Variants in GALNTL6 observed in about 807,000 individuals in gnomAD.
GALNTL6 encodes polypeptide N-acetylgalactosaminyltransferase like 6.
Under a neutral mutation model 73.7 loss-of-function variants are expected in GALNTL6, and 46 were observed. That is an observed-to-expected ratio of 0.62 (90% CI 0.49 to 0.80). GALNTL6 has a LOEUF of 0.80. Among genes scored for constraint, GALNTL6 ranks in the 30% least tolerant of loss-of-function variants. The probability of loss-of-function intolerance (pLI) is 0.00; values close to 1 mark genes in which losing one functional copy is unlikely to be tolerated. For synonymous variants in GALNTL6, 259 were observed against 263.7 expected (o/e 0.98, Z 0.17); for missense variants, 604 against 755.0 (o/e 0.80, Z 2.34).
intron 2 of GALNTL6, among the ~76,000 whole-genome samples, chr4:171,923,975 T>A (rs2110984140): frequency 6.6e-6 from 1 of 152,214 alleles, no homozygotes; most frequent in South Asian, 2.1e-4. Flanking sequence ...TTGAAGAAGT[T>A]TATTTAACTA....
At chr4:171,952,841 G>T (rs1013316215) in intron 2 of GALNTL6, among the ~76,000 whole-genome samples, 5 of 145,944 alleles carry the variant, frequency 3.4e-5, no homozygotes, top group African/African-American at 1.3e-4. Flanking sequence ...GATTTAATTA[G>T]CTTTAGAAAG....
chr4:172,311,835 C>T (rs556668239), intron 4 of GALNTL6, 83 bp downstream of exon 4: 72 of 883,410 alleles, frequency 8.2e-5, no homozygotes, highest in African/African-American at 3.1e-4. Context: ...TGTATCACTG[C>T]GAGATATGTA....
At chr4:172,353,546 T>A (rs1742038853) in intron 5 of GALNTL6, among the ~76,000 whole-genome samples, 1 of 152,142 alleles carries the variant, frequency 6.6e-6, no homozygotes, top group African/African-American at 2.4e-5. Flanking sequence ...TGCTTTCTTG[T>A]GAACTCATTT....
chr4:172,273,848 G>A (rs1738740854), intron 3 of GALNTL6, among the ~76,000 whole-genome samples: 2 of 152,130 alleles, frequency 1.3e-5, no homozygotes, highest in Admixed American at 1.3e-4. Flanking sequence ...AAGAAAAGAA[G>A]GCATTGGTGA....
intron 5 of GALNTL6, among the ~76,000 whole-genome samples, chr4:172,675,928 C>G (rs928519600): frequency 1.4e-4 from 22 of 152,108 alleles, no homozygotes; most frequent in African/African-American, 5.3e-4. Flanking sequence ...CTCAAATCCT[C>G]AAATTGGATT....
chr4:172,233,129 G>A (rs1209032982), intron 3 of GALNTL6, among the ~76,000 whole-genome samples: 2 of 151,404 alleles, frequency 1.3e-5, no homozygotes, highest in East Asian at 1.9e-4. Context: ...AGCACACCGG[G>A]TGGCAGCAGA....
At chr4:172,498,357 G>A (rs1011332842) in intron 5 of GALNTL6, among the ~76,000 whole-genome samples, 1 of 151,952 alleles carries the variant, frequency 6.6e-6, no homozygotes, top group Non-Finnish European at 1.5e-5. Flanking sequence ...TTTTAATGTT[G>A]TGTTGGCCTC....
intron 3 of GALNTL6, among the ~76,000 whole-genome samples, chr4:172,239,907 A>C (rs1737362021): frequency 2.0e-5 from 3 of 152,158 alleles, no homozygotes; most frequent in African/African-American, 4.8e-5. Context: ...TCTGTCTTAT[A>C]AGGTTTCTGC....
At chr4:172,460,690 T>A (rs1235662070) in intron 5 of GALNTL6, among the ~76,000 whole-genome samples, 1 of 152,204 alleles carries the variant, frequency 6.6e-6, no homozygotes, top group Non-Finnish European at 1.5e-5. Flanking sequence ...CCAGTTAGAA[T>A]GGCAATCATT....
intron 7 of GALNTL6, among the ~76,000 whole-genome samples, chr4:172,818,329 T>G (rs1741724303): frequency 6.6e-6 from 1 of 152,228 alleles, no homozygotes; most frequent in South Asian, 2.1e-4. Flanking sequence ...TATTCAATTT[T>G]GCAAGTTGAT....
intron 2 of GALNTL6, among the ~76,000 whole-genome samples, chr4:172,203,985 A>C (rs1228023738): frequency 6.6e-6 from 1 of 152,134 alleles, no homozygotes; most frequent in Non-Finnish European, 1.5e-5. Context: ...ACCTCAGGTG[A>C]TCTGCCCACC....
rs529053382 is a variant in GALNTL6, at chr4:172,751,891, T to A, written c.554-57470T>A. ...TTCTGTCTGAGTTTCACTGGGAAGG[T>A]ACAAAGTCATACGTGCTTGTACTTC... On this transcript the variant is annotated intron_variant, in intron 5 of 12. Transcript: ENST00000506823. 2.9e-3 allele frequency among the ~76,000 whole-genome samples: 444 copies of A among 152,282 alleles called. 2 individuals are homozygous for A. The highest frequency in any genetic ancestry group is 2.9e-3 in the Non-Finnish European group (195 of 68,012).
At position 171,990,000 on chromosome 4, in the gene GALNTL6, G is replaced by A. The variant is rs555369668; in HGVS notation, c.138+175282G>A. The stretch of plus-strand genomic sequence containing the variant: ...GGGCAGGTGGGGGAGGGCTAGTCAC[G>A]GAAGGAAACAGTAAGCTGGACCAGG... On this transcript the variant is annotated intron_variant, in intron 2 of 12. Coordinates refer to ENST00000506823, the MANE Select transcript of GALNTL6 (RefSeq NM_001034845.3). Among the ~76,000 whole-genome samples, 5 of 152,236 alleles carry A rather than the reference G, an allele frequency of 3.3e-5. No individual in the cohort carries two copies. In the East Asian group the frequency reaches 5.8e-4, roughly 18 times the overall value.
chr4:172,581,470 A>T (rs549885056), intron 5 of GALNTL6, among the ~76,000 whole-genome samples: 2 of 152,240 alleles, frequency 1.3e-5, no homozygotes, highest in African/African-American at 4.8e-5. Context: ...CCCCATGTAG[A>T]CAGCCCCCAG....
chr4:172,969,812 G>A (rs532835933), intron 10 of GALNTL6, among the ~76,000 whole-genome samples: 1 of 152,288 alleles, frequency 6.6e-6, no homozygotes, highest in African/African-American at 2.4e-5. Context: ...AGGTGATTAG[G>A]TCATGAGGGC....
chr4:172,061,011 A>T (rs1241529644), intron 2 of GALNTL6, among the ~76,000 whole-genome samples: 4 of 152,164 alleles, frequency 2.6e-5, no homozygotes, highest in African/African-American at 9.7e-5. Context: ...CTAATGTGGG[A>T]AAAAAACAAC....
At chr4:172,998,395 T>C (rs1028223787) in intron 10 of GALNTL6, among the ~76,000 whole-genome samples, 2 of 152,258 alleles carry the variant, frequency 1.3e-5, no homozygotes, top group African/African-American at 4.8e-5. Context: ...GAGTCTCAAA[T>C]GAATTATGTT....
At chr4:172,960,756 G>T (rs1284070255) in intron 10 of GALNTL6, among the ~76,000 whole-genome samples, 1 of 152,184 alleles carries the variant, frequency 6.6e-6, no homozygotes, top group Non-Finnish European at 1.5e-5. Context: ...TGTCGAGTTT[G>T]TATTGGGGTC....
At chr4:172,096,587 T>G (rs1732365872) in intron 2 of GALNTL6, among the ~76,000 whole-genome samples, 1 of 152,166 alleles carries the variant, frequency 6.6e-6, no homozygotes, top group Non-Finnish European at 1.5e-5. Context: ...TTATTTTAAT[T>G]TCTTTCAGGT....
Sources: gnomAD v4.1 joint callset for allele counts (sites outside exome capture counted in the v4.1 genomes callset) on GRCh38, gnomAD v4.1.1 for gene constraint, MANE v1.5 for transcripts, NCBI Gene and HGNC (gene_info 2026-07-23, HGNC 2026-07-21) for gene names.